The following LOC400499 variants were observed in gnomAD, a reference collection of about 807,000 sequenced individuals.
At chr16:11,384,901 G>A in the LOC400499 span, 83 of 1,232,206 alleles carry the variant, frequency 6.7e-5, no homozygotes, top group Admixed American at 2.1e-4. Flanking sequence ...GCTGCCAGAG[G>A]CCCAGAGTCA....
the LOC400499 span, among the ~76,000 whole-genome samples, chr16:11,487,038 T>C: frequency 6.6e-6 from 1 of 150,888 alleles, no homozygotes; most frequent in Non-Finnish European, 1.5e-5. Flanking sequence ...AGCAGGTCAG[T>C]GGATAGATGG....
At chr16:11,438,352 GGACATCAACCTGT>G in the LOC400499 span, among the ~76,000 whole-genome samples, 1 of 152,094 alleles carries the variant, frequency 6.6e-6, no homozygotes, top group African/African-American at 2.4e-5. Context: ...CTGACTTCAG[GGACATCAACCTGT>G]GAAAGCTCAT....
chr16:11,502,298 C>T, the LOC400499 span: 111 of 396,374 alleles, frequency 2.8e-4, no homozygotes, highest in African/African-American at 2.0e-3. Context: ...GACCTACCAC[C>T]TTCTCCCAGG....
chr16:11,429,860 C>T, the LOC400499 span, among the ~76,000 whole-genome samples: 1 of 152,140 alleles, frequency 6.6e-6, no homozygotes, highest in Non-Finnish European at 1.5e-5. Flanking sequence ...AGACAAGCAT[C>T]ATCAGTGGGT....
At chr16:11,409,410 G>T in the LOC400499 span, among the ~76,000 whole-genome samples, 2 of 152,176 alleles carry the variant, frequency 1.3e-5, no homozygotes, top group Non-Finnish European at 2.9e-5. Context: ...TATTGTAACA[G>T]CCATGTCTAT....
chr16:11,472,090 G>T, the LOC400499 span: 4 of 348,058 alleles, frequency 1.1e-5, no homozygotes, highest in Admixed American at 1.9e-4. Context: ...CCATCCACTA[G>T]ATGCCAGTAA....
the LOC400499 span, chr16:11,384,098 C>G: frequency 1.6e-6 from 2 of 1,228,800 alleles, no homozygotes; most frequent in Non-Finnish European, 1.0e-6. Context: ...TCCCCCAAAC[C>G]CTGGGCCTAC....
the LOC400499 span, chr16:11,487,422 C>T: frequency 2.5e-6 from 1 of 398,692 alleles, no homozygotes; most frequent in East Asian, 3.6e-5. Context: ...ACACTCTGTA[C>T]ACTCACAGAG....
chr16:11,385,394 G>C, the LOC400499 span: 9 of 1,232,146 alleles, frequency 7.3e-6, no homozygotes, highest in African/African-American at 3.1e-5. Context: ...CCACGTGCTG[G>C]GCCCCAGCCA....
the LOC400499 span, among the ~76,000 whole-genome samples, chr16:11,485,363 T>A: frequency 1.3e-5 from 2 of 152,278 alleles, no homozygotes; most frequent in Admixed American, 1.3e-4. Context: ...TGTCACTCTC[T>A]TCCCACCTCC....
At chr16:11,392,741 G>GTT in the LOC400499 span, 2 of 953,926 alleles carry the variant, frequency 2.1e-6, no homozygotes, top group South Asian at 4.8e-5. Context: ...GTTTCCTGAG[G>GTT]TTTTTTTTTG....
chr16:11,474,658 G>C, the LOC400499 span, among the ~76,000 whole-genome samples: 1 of 150,800 alleles, frequency 6.6e-6, no homozygotes, highest in Non-Finnish European at 1.5e-5. Flanking sequence ...CCAGGAGTTC[G>C]AGACCAGCCT....
chr16:11,397,769 G>GGGAGGGAT, the LOC400499 span, among the ~76,000 whole-genome samples: 19 of 29,492 alleles, frequency 6.4e-4, no homozygotes, highest in African/African-American at 1.5e-3. Context: ...GAGGGAGGGA[G>GGGAGGGAT]GGATGGAGGG....
the LOC400499 span, among the ~76,000 whole-genome samples, chr16:11,408,813 T>C: frequency 6.6e-6 from 1 of 152,172 alleles, no homozygotes; most frequent in Admixed American, 6.5e-5. Context: ...GGGGGAATTA[T>C]ATCTGCAACT....
At chr16:11,459,042 A>G in the LOC400499 span, among the ~76,000 whole-genome samples, 1 of 151,870 alleles carries the variant, frequency 6.6e-6, no homozygotes, top group African/African-American at 2.4e-5. Context: ...ATCTCCAAAA[A>G]AATAAAAAAT....
At chr16:11,521,590 G>T in the LOC400499 span, among the ~76,000 whole-genome samples, 1 of 152,152 alleles carries the variant, frequency 6.6e-6, no homozygotes, top group Non-Finnish European at 1.5e-5. Flanking sequence ...CCAAAGGCTT[G>T]ACTTGGTTTG....
the LOC400499 span, chr16:11,392,835 A>G: frequency 1.0e-6 from 1 of 976,946 alleles, no homozygotes. Context: ...CCCCTACCCC[A>G]CCAGGTTTTT....
At chr16:11,400,814 G>T in the LOC400499 span, among the ~76,000 whole-genome samples, 2,038 of 152,150 alleles carry the variant, frequency 0.013, 44 homozygotes, top group African/African-American at 0.046. Flanking sequence ...CTTGAATTCT[G>T]GAGAGCGTCT....
At chr16:11,398,913 G>A in the LOC400499 span, among the ~76,000 whole-genome samples, 5 of 152,144 alleles carry the variant, frequency 3.3e-5, no homozygotes, top group African/African-American at 1.2e-4. Flanking sequence ...CAAAGTGCTG[G>A]GATTACAGGT....
Sources: allele counts gnomAD v4.1 joint callset (sites outside exome capture counted in the v4.1 genomes callset), GRCh38; gene constraint gnomAD v4.1.1; transcripts MANE v1.5.